Variants in C2CD3 observed in about 807,000 individuals in gnomAD.
C2CD3 encodes the protein C2 domain-containing protein 3.
A neutral mutation model predicts 234.0 loss-of-function variants in C2CD3; 148 were observed. The observed-to-expected ratio is 0.63, with a 90% CI of 0.55 to 0.72. The LOEUF is 0.72. C2CD3 is among the 30% of genes least tolerant of loss of function. The probability of loss-of-function intolerance (pLI) is 0.00; values close to 1 mark genes in which losing one functional copy is unlikely to be tolerated. For synonymous variants in C2CD3, 1,000 were observed against 1,035.4 expected, an observed-to-expected ratio of 0.97 and a Z score of 0.66; for missense variants, 2,577 against 2,811.5, an observed-to-expected ratio of 0.92 and a Z score of 1.89.
intron 2 of C2CD3, among the ~76,000 whole-genome samples, chr11:74,163,771 T>A (rs1343047994): frequency 6.6e-6 from 1 of 152,198 alleles, no homozygotes; most frequent in African/African-American, 2.4e-5. Context: ...AATGGACTAA[T>A]ACACCACTCA....
chr11:74,101,965 C>T (rs1445770822), intron 14 of C2CD3, among the ~76,000 whole-genome samples: 2 of 151,882 alleles, frequency 1.3e-5, no homozygotes, highest in African/African-American at 4.8e-5. Context: ...TTAGAAAGGT[C>T]ATTCTCATTG....
intron 18 of C2CD3, among the ~76,000 whole-genome samples, chr11:74,093,443 G>C (rs1955975615): frequency 6.6e-6 from 1 of 151,254 alleles, no homozygotes; most frequent in Non-Finnish European, 1.5e-5. Flanking sequence ...TTTATAAGTA[G>C]GAGGCCAGTT....
chr11:74,144,004 A>G (rs1338584840), intron 3 of C2CD3, among the ~76,000 whole-genome samples: 1 of 152,230 alleles, frequency 6.6e-6, no homozygotes, highest in East Asian at 1.9e-4. Flanking sequence ...TGTCAAATTA[A>G]TATGTGTAGA....
Position 74,034,055 on chromosome 11 carries a change from A to C in C2CD3, c.6105T>G (p.His2035Gln), listed in dbSNP as rs1362364877. 1.3e-6 allele frequency: 2 copies of C among 1,536,406 alleles called. No individual in the cohort carries two copies. Among genetic ancestry groups the C allele is most frequent in the East Asian group, 2.4e-5 (1 of 40,918 alleles). Residue 2035 changes from histidine (H) to glutamine (Q), a missense_variant, in exon 31 of 33, where the codon CAT becomes CAG. Physicochemically the swap from His to Gln is conservative, Grantham distance 24. Coordinates refer to ENST00000334126, the MANE Select transcript of C2CD3 (RefSeq NM_001286577.2). ...TGGGTACTGCATGCCTCAGGGACTC[A>C]TGGAGCATTCTTCCTCCATTTGAAG... ...EETSNGGRML[H>Q]ESLRHAVPIT...
intron 11 of C2CD3, among the ~76,000 whole-genome samples, chr11:74,112,369 T>A (rs1464061107): frequency 1.3e-5 from 2 of 152,084 alleles, no homozygotes; most frequent in Non-Finnish European, 2.9e-5. Flanking sequence ...ATTATCCTTT[T>A]TCTGTATCTG....
chr11:74,103,203 G>T lies in C2CD3; in HGVS notation c.2508C>A (p.Leu836=), dbSNP rs1409206601. Residue 836 remains leucine, a synonymous_variant, in exon 14 of 33, where the codon CTC becomes CTA. Coordinates refer to ENST00000334126, the MANE Select transcript of C2CD3 (RefSeq NM_001286577.2). ...SPCNVYLNCK[L]FSTEEVTRSV... ...ATCTGGTGACTTCCTCTGTGCTGAAGAGTTTACAATTTAAATAAACATTGC... is the reference window on the plus strand; with the variant it reads ...ATCTGGTGACTTCCTCTGTGCTGAATAGTTTACAATTTAAATAAACATTGC... 1 of 1,614,150 alleles carries T rather than the reference G, an allele frequency of 6.2e-7. No homozygotes were observed. Among genetic ancestry groups the T allele is most frequent in the Non-Finnish European group, 8.5e-7 (1 of 1,179,974 alleles).
intron 17 of C2CD3, among the ~76,000 whole-genome samples, chr11:74,094,582 G>A (rs1015097487): frequency 8.5e-5 from 13 of 152,078 alleles, no homozygotes; most frequent in Admixed American, 2.0e-4. Context: ...TCAGCTCTCC[G>A]AGACTACCAG....
At chr11:74,060,672 C>G (rs547207877) in intron 24 of C2CD3, among the ~76,000 whole-genome samples, 1 of 152,272 alleles carries the variant, frequency 6.6e-6, no homozygotes, top group East Asian at 1.9e-4. Context: ...GGGGAGAAAC[C>G]AGAGCAGAAA....
chr11:74,136,948 A>T (rs918807787), intron 5 of C2CD3, among the ~76,000 whole-genome samples: 10 of 145,412 alleles, frequency 6.9e-5, no homozygotes, highest in East Asian at 2.0e-4. Flanking sequence ...AAAAGTAAAT[A>T]AAAAAAAATA....
chr11:74,033,693 C>T lies in C2CD3; in HGVS notation c.6467G>A (p.Cys2156Tyr). The stretch of plus-strand genomic sequence containing the variant: ...ACCAACCCTGGCCTTAGAGGCCTCA[C>T]ACTCACAAGCAACAAGACTTTGGCT... ...SPSQSLVACECEASKARVGGE... is the reference protein window; with the variant it reads ...SPSQSLVACEYEASKARVGGE... Residue 2156 changes from cysteine (C) to tyrosine (Y), a missense_variant, in exon 31 of 33, where the codon TGT (cysteine) becomes TAT (tyrosine). Transcript: ENST00000334126. 2 of 1,536,318 alleles carry T rather than the reference C, an allele frequency of 1.3e-6. No individual in the cohort carries two copies. Among genetic ancestry groups the T allele is most frequent in the Non-Finnish European group, 8.7e-7 (1 of 1,146,918 alleles).
rs1955665061 is a variant in C2CD3, at chr11:74,086,889, T to TA, written c.3642-1004dup. ...TCTGGGTTCCTTCCTGTTAAAACCT[T>TA]ACTGTACTTCATAGAGAGTAGTAAT... On this transcript the variant is annotated intron_variant, in intron 20 of 32. Coordinates refer to ENST00000334126, the MANE Select transcript of C2CD3 (RefSeq NM_001286577.2). Among the ~76,000 whole-genome samples the TA allele has an allele frequency of 2.6e-5, 4 of 152,332 alleles. No homozygotes were observed. In the South Asian group the frequency reaches 6.2e-4, roughly 24 times the overall value.
At chr11:74,149,402 T>C (rs773261985) in intron 3 of C2CD3, among the ~76,000 whole-genome samples, 4 of 152,210 alleles carry the variant, frequency 2.6e-5, no homozygotes, top group Non-Finnish European at 5.9e-5. Flanking sequence ...GGTCTTGCCA[T>C]GTTGCCCAGG....
At chr11:74,134,753 G>A (rs1466784860) in intron 5 of C2CD3, among the ~76,000 whole-genome samples, 3 of 152,176 alleles carry the variant, frequency 2.0e-5, no homozygotes, top group Non-Finnish European at 4.4e-5. Flanking sequence ...TAGAGACAGA[G>A]TCTTGCTCTG....
chr11:74,069,832 C>T (rs1954714841), intron 24 of C2CD3, among the ~76,000 whole-genome samples: 1 of 152,160 alleles, frequency 6.6e-6, no homozygotes, highest in African/African-American at 2.4e-5. Flanking sequence ...AAACTTAGCC[C>T]AGCAGGTGTA....
intron 23 of C2CD3, among the ~76,000 whole-genome samples, chr11:74,077,751 C>T (rs1291651856): frequency 2.7e-5 from 3 of 112,450 alleles, no homozygotes; most frequent in Non-Finnish European, 5.4e-5. Flanking sequence ...ACATTCTGCA[C>T]ATGTACCCCA....
intron 25 of C2CD3, among the ~76,000 whole-genome samples, chr11:74,056,768 T>A (rs1399860129): frequency 6.6e-6 from 1 of 152,252 alleles, no homozygotes; most frequent in African/African-American, 2.4e-5. Context: ...TTCATCTGGA[T>A]AACTTATATA....
intron 24 of C2CD3, among the ~76,000 whole-genome samples, chr11:74,063,266 T>G (rs866618124): frequency 3.9e-5 from 6 of 152,228 alleles, no homozygotes; most frequent in Non-Finnish European, 5.9e-5. Flanking sequence ...GAATCTTCCC[T>G]AATTCATTTT....
At chr11:74,050,422 G>A (rs1953620042) in intron 26 of C2CD3, among the ~76,000 whole-genome samples, 1 of 152,192 alleles carries the variant, frequency 6.6e-6, no homozygotes, top group African/African-American at 2.4e-5. Context: ...AAGCTACCAT[G>A]CAATGACCTT....
At chr11:74,106,953 G>GT (rs1163545945) in intron 12 of C2CD3, among the ~76,000 whole-genome samples, 4 of 152,168 alleles carry the variant, frequency 2.6e-5, no homozygotes, top group African/African-American at 7.2e-5. Context: ...GGCAAATTTG[G>GT]TAACAGATAT....
Sources: allele counts gnomAD v4.1 joint callset (sites outside exome capture counted in the v4.1 genomes callset), GRCh38; gene constraint gnomAD v4.1.1; transcripts MANE v1.5; gene names NCBI Gene and HGNC (gene_info 2026-07-23, HGNC 2026-07-21).